The following PRLR variants were observed in gnomAD, a reference collection of about 807,000 sequenced individuals.
PRLR encodes prolactin receptor, also known as hPRL receptor.
In PRLR, 13 loss-of-function variants were observed where a neutral mutation model predicts 40.2. The observed-to-expected ratio is 0.32, with a 90% CI of 0.21 to 0.51. The LOEUF (loss-of-function observed/expected upper bound fraction) is 0.51, where lower values mean the gene tolerates loss of function less well. Ranked by LOEUF, PRLR falls within the 20% of genes least tolerant of loss-of-function variation. The pLI, the probability that PRLR is intolerant of heterozygous loss-of-function variation, is 0.97. For synonymous variants in PRLR, 269 were observed against 278.7 expected (o/e 0.97, Z 0.35); for missense variants, 656 against 747.3 (o/e 0.88, Z 1.42).
At chr5:35,142,574 T>C (rs4419570) in intron 1 of PRLR, among the ~76,000 whole-genome samples, 129,456 of 152,218 alleles carry the variant, frequency 0.85, 56,702 homozygotes, top group South Asian at 0.96. Flanking sequence ...CAAAGCTTCT[T>C]AATGAAGCTT....
intron 6 of PRLR, 92 bp from the exon 7 acceptor site, chr5:35,070,357 A>C: frequency 7.5e-7 from 1 of 1,328,810 alleles, no homozygotes; most frequent in Admixed American, 1.9e-5. Context: ...GTTAGGCTGA[A>C]CAATCATATA....
chr5:35,068,415 T>C, intron 8 of PRLR, 130 bp from the exon 9 acceptor site: 1 of 751,606 alleles, frequency 1.3e-6, no homozygotes, highest in Non-Finnish European at 2.2e-6. Context: ...CATGAAACAA[T>C]CAATGATGAA....
intron 1 of PRLR, among the ~76,000 whole-genome samples, chr5:35,191,492 T>G (rs373233335): frequency 1.3e-5 from 2 of 152,208 alleles, no homozygotes; most frequent in African/African-American, 2.4e-5. Flanking sequence ...TAGCCTATTT[T>G]ATTATAACAG....
At chr5:35,182,170 T>C (rs1168510314) in intron 1 of PRLR, among the ~76,000 whole-genome samples, 1 of 152,108 alleles carries the variant, frequency 6.6e-6, no homozygotes, top group East Asian at 1.9e-4. Context: ...ACCATCTATA[T>C]ATGTGCTAGG....
chr5:35,085,932 G>T (rs1399969204), intron 4 of PRLR, among the ~76,000 whole-genome samples: 5 of 152,108 alleles, frequency 3.3e-5, no homozygotes, highest in African/African-American at 1.2e-4. Flanking sequence ...TCAGGGTGAG[G>T]AGACCTAGGG....
intron 2 of PRLR, among the ~76,000 whole-genome samples, chr5:35,094,289 A>AGT (rs150455824): frequency 0.045 from 6,750 of 151,444 alleles, 480 homozygotes; most frequent in African/African-American, 0.15. Context: ...GCATTTCTTG[A>AGT]GTGTGTGTGT....
intron 1 of PRLR, among the ~76,000 whole-genome samples, chr5:35,181,500 G>A (rs1775296270): frequency 6.6e-6 from 1 of 152,170 alleles, no homozygotes. Context: ...TATTAAGTGA[G>A]AGCTGCCACT....
At chr5:35,054,238 G>A (rs965231089), downstream of PRLR, among the ~76,000 whole-genome samples, 9 of 152,324 alleles carry the variant, frequency 5.9e-5, no homozygotes, top group African/African-American at 1.7e-4. Context: ...CTTTGGAGAG[G>A]AAGCAATTTG....
intron 1 of PRLR, among the ~76,000 whole-genome samples, chr5:35,227,750 G>T (rs964859992): frequency 2.6e-5 from 4 of 152,162 alleles, no homozygotes; most frequent in African/African-American, 9.7e-5. Context: ...GGCTACATCT[G>T]TGCCAAACTG....
intron 1 of PRLR, among the ~76,000 whole-genome samples, chr5:35,157,030 C>T (rs918763844): frequency 6.6e-6 from 1 of 151,936 alleles, no homozygotes; most frequent in Non-Finnish European, 1.5e-5. Context: ...TGAAACAGTC[C>T]ATGAGCTTGG....
At chr5:35,186,546 G>A (rs1181463879) in intron 1 of PRLR, among the ~76,000 whole-genome samples, 2 of 152,194 alleles carry the variant, frequency 1.3e-5, no homozygotes, top group African/African-American at 4.8e-5. Flanking sequence ...AGTTTACCCA[G>A]AGGAAACAGC....
In PRLR at chr5:35,056,997, T is replaced by G. The variant is rs1303814276; in HGVS notation, c.*8092A>C. 6.6e-6 allele frequency: 1 copy of G among 152,220 alleles called. No homozygotes were observed. The highest frequency in any genetic ancestry group is 2.4e-5 in the African/African-American group (1 of 41,470). The allele number at this position is 152,220 out of a possible 1,614,324, so 9.4% of individuals were successfully genotyped here. A position where few individuals can be genotyped will look rare whatever the true frequency, so the allele number is the denominator to read the frequency against. The stretch of plus-strand genomic sequence containing the variant: ...TCTAGGTTTAGATCCATTAAAAGAT[T>G]ATCCATTTACACTTCATCTGATGGA... On this transcript the variant is annotated 3_prime_UTR_variant, in exon 10 of 10. Coordinates refer to ENST00000618457, the MANE Select transcript of PRLR (RefSeq NM_000949.7).
chr5:35,103,281 G>A (rs531247343), intron 2 of PRLR, among the ~76,000 whole-genome samples: 57 of 152,252 alleles, frequency 3.7e-4, no homozygotes, highest in Middle Eastern at 3.4e-3. Context: ...AAAGGTAAGC[G>A]CTATTGTCAA....
intron 5 of PRLR, among the ~76,000 whole-genome samples, chr5:35,077,305 C>A (rs1392141198): frequency 6.6e-6 from 1 of 152,106 alleles, no homozygotes; most frequent in Non-Finnish European, 1.5e-5. Context: ...AGACCCATTT[C>A]CCATGCAGAG....
At chr5:35,212,634 G>A (rs1349077493) in intron 1 of PRLR, among the ~76,000 whole-genome samples, 1 of 152,118 alleles carries the variant, frequency 6.6e-6, no homozygotes, top group African/African-American at 2.4e-5. Context: ...TGGTAATCAT[G>A]TCAGTTATAC....
At chr5:35,179,050 G>T (rs1259425833) in intron 1 of PRLR, among the ~76,000 whole-genome samples, 1 of 152,064 alleles carries the variant, frequency 6.6e-6, no homozygotes, top group African/African-American at 2.4e-5. Flanking sequence ...CACAACAAAG[G>T]TCTCAAGGCT....
rs1433801461 is a variant in PRLR, at chr5:35,113,244, ACCACCCACCCATTTAT to A, written c.-44+4801_-44+4816del. Among the ~76,000 whole-genome samples the A allele has an allele frequency of 4.5e-5, 6 of 134,772 alleles. No individual in the cohort carries two copies. The East Asian group carries it at 1.1e-3, about 24-fold the overall frequency. The allele number at this position is 134,772 out of a possible 152,430, so 88.4% of individuals were successfully genotyped here. On this transcript the variant is annotated intron_variant, in intron 2 of 9. Coordinates refer to ENST00000618457, the MANE Select transcript of PRLR (RefSeq NM_000949.7). ...CACCCATCTTTCCATCCATCTATCA[ACCACCCACCCATTTAT>A]CCACCCACCCATTTATCCATCCATC...
chr5:35,163,295 C>T (rs561820622), intron 1 of PRLR, among the ~76,000 whole-genome samples: 24 of 152,246 alleles, frequency 1.6e-4, no homozygotes, highest in Non-Finnish European at 2.6e-4. Flanking sequence ...CCTGGCTCTT[C>T]GCTGAACTAA....
At chr5:35,187,552 T>C (rs1775481176) in intron 1 of PRLR, among the ~76,000 whole-genome samples, 1 of 152,170 alleles carries the variant, frequency 6.6e-6, no homozygotes, top group South Asian at 2.1e-4. Flanking sequence ...CTCATTTAGC[T>C]CTATGGCTGG....
Sources: gnomAD v4.1 joint callset for allele counts (sites outside exome capture counted in the v4.1 genomes callset) on GRCh38, gnomAD v4.1.1 for gene constraint, MANE v1.5 for transcripts, NCBI Gene and HGNC (gene_info 2026-07-23, HGNC 2026-07-21) for gene names.